Variants in TACC2 observed in about 807,000 individuals in gnomAD.
TACC2 encodes transforming acidic coiled-coil containing protein 2, also known as transforming acidic coiled-coil-containing protein 2.
A neutral mutation model predicts 227.3 loss-of-function variants in TACC2; 137 were observed. The observed-to-expected ratio is 0.60, with a 90% CI of 0.52 to 0.69. TACC2 has a LOEUF of 0.69. TACC2 is among the 30% of genes least tolerant of loss of function. TACC2 has a pLI of 0.00. For missense variants in TACC2, 3,470 were observed against 3,694.4 expected (o/e 0.94, Z 1.57); for synonymous variants, 1,523 against 1,487.5 (o/e 1.02, Z -0.55).
intron 5 of TACC2, among the ~76,000 whole-genome samples, chr10:122,117,276 C>T (rs987933739): frequency 2.0e-5 from 3 of 150,118 alleles, no homozygotes; most frequent in Non-Finnish European, 4.4e-5. Flanking sequence ...CCCACTGCAA[C>T]CTCTGCCTCC....
At chr10:122,098,001 C>T (rs2081655310) in intron 5 of TACC2, among the ~76,000 whole-genome samples, 1 of 152,088 alleles carries the variant, frequency 6.6e-6, no homozygotes, top group African/African-American at 2.4e-5. Context: ...TGGGTACACG[C>T]TCCTCTGCTA....
intron 5 of TACC2, among the ~76,000 whole-genome samples, chr10:122,117,290 G>T (rs2084881073): frequency 1.3e-5 from 2 of 151,600 alleles, no homozygotes; most frequent in Non-Finnish European, 2.9e-5. Context: ...TGCCTCCTGG[G>T]TTCAAGTGAT....
At chr10:122,093,980 G>A (rs1407623580) in intron 5 of TACC2, among the ~76,000 whole-genome samples, 1 of 152,136 alleles carries the variant, frequency 6.6e-6, no homozygotes, top group Non-Finnish European at 1.5e-5. Context: ...GCCCTTCCAC[G>A]TCTCTGAGCC....
At chr10:122,179,194 T>C (rs2093869236) in intron 7 of TACC2, among the ~76,000 whole-genome samples, 1 of 152,226 alleles carries the variant, frequency 6.6e-6, no homozygotes, top group African/African-American at 2.4e-5. Context: ...AGGTCAGGTC[T>C]GAGCATCTAT....
chr10:122,007,972 C>A (rs1273608762), intron 1 of TACC2, among the ~76,000 whole-genome samples: 1 of 152,146 alleles, frequency 6.6e-6, no homozygotes, highest in Non-Finnish European at 1.5e-5. Flanking sequence ...CCTCTGACCA[C>A]CTCAGGACTC....
intron 2 of TACC2, among the ~76,000 whole-genome samples, chr10:122,045,015 A>G (rs1030296391): frequency 6.6e-6 from 1 of 152,184 alleles, no homozygotes; most frequent in Non-Finnish European, 1.5e-5. Flanking sequence ...AGTAAGCAAT[A>G]GAGCTTAAGA....
chr10:122,097,592 A>C (rs2081598584), intron 5 of TACC2, among the ~76,000 whole-genome samples: 1 of 150,820 alleles, frequency 6.6e-6, no homozygotes, highest in East Asian at 1.9e-4. Flanking sequence ...AGGGAGGAGA[A>C]ATGAGGCTGA....
chr10:122,197,862 C>A (rs1263870941), intron 8 of TACC2, among the ~76,000 whole-genome samples: 1 of 152,212 alleles, frequency 6.6e-6, no homozygotes, highest in African/African-American at 2.4e-5. Flanking sequence ...GTCCCCTCGT[C>A]CATTCTGTAG....
At chr10:122,252,421 C>CT (rs2096269707) in intron 22 of TACC2, among the ~76,000 whole-genome samples, 2 of 151,820 alleles carry the variant, frequency 1.3e-5, no homozygotes, top group Non-Finnish European at 2.9e-5. Flanking sequence ...ACGGTGGGCA[C>CT]TCCAATAAGA....
chr10:122,041,441 C>CTTTTTTTTTT (rs537169387), intron 2 of TACC2, among the ~76,000 whole-genome samples: 4 of 140,190 alleles, frequency 2.9e-5, no homozygotes, highest in African/African-American at 5.3e-5. Flanking sequence ...AGTTTCCTTT[C>CTTTTTTTTTT]TTTTTTTTTT....
intron 8 of TACC2, among the ~76,000 whole-genome samples, chr10:122,197,613 C>A (rs749242757): frequency 6.6e-6 from 1 of 152,238 alleles, no homozygotes; most frequent in Non-Finnish European, 1.5e-5. Flanking sequence ...GGGATGGAAA[C>A]GTTAATTGCT....
intron 12 of TACC2, among the ~76,000 whole-genome samples, chr10:122,225,614 C>T (rs749838255): frequency 4.7e-4 from 71 of 152,262 alleles, no homozygotes; most frequent in African/African-American, 1.7e-3. Context: ...ATACTGAGGG[C>T]GAGACATTTT....
Position 122,210,678 on chromosome 10 carries a change from C to T in TACC2, c.6253C>T (p.Arg2085Trp), listed in dbSNP as rs747813403. ...CCCCATCTCTAAGTCTACACTGTCCCGGTCGCTCAGCCTGCAAGCCAGTGA... is the reference window on the plus strand; with the variant it reads ...CCCCATCTCTAAGTCTACACTGTCCTGGTCGCTCAGCCTGCAAGCCAGTGA... ...SVPISKSTLS[R>W]SLSLQASDFD... Residue 2085 changes from arginine to tryptophan, a missense_variant, in exon 9 of 23, where the codon CGG becomes TGG. This residue lies in a region of TACC2 where 593 missense variants were observed against 636.6 expected (regional missense o/e 0.93). Coordinates refer to ENST00000369005, the MANE Select transcript of TACC2 (RefSeq NM_206862.4). This position sits in a 1 kb window ranked among gnomAD's most constrained non-coding sequence, Gnocchi z 4.6. 12 of 1,613,958 alleles carry T rather than the reference C, an allele frequency of 7.4e-6. No individual in the cohort carries two copies. Among genetic ancestry groups the T allele is most frequent in the Admixed American group, 6.7e-5 (4 of 59,998 alleles).
chr10:122,131,171 CTTTCTCAAAAAAAAAAAAAAAAAAAA>C (rs2088008945), intron 5 of TACC2, among the ~76,000 whole-genome samples: 1 of 93,108 alleles, frequency 1.1e-5, no homozygotes, highest in African/African-American at 4.4e-5. Context: ...GAGGGAGACG[CTTTCTCAAAAAAAAAAAAAAAAAAAA>C]AAAATCTGAC....
intron 1 of TACC2, among the ~76,000 whole-genome samples, chr10:121,995,686 T>C (rs557975663): frequency 6.6e-6 from 1 of 152,256 alleles, no homozygotes; most frequent in Non-Finnish European, 1.5e-5. Flanking sequence ...CTTTCACTCA[T>C]GGTGGAAGGC....
intron 3 of TACC2, among the ~76,000 whole-genome samples, chr10:122,059,334 C>A (rs2076548143): frequency 6.6e-6 from 1 of 151,744 alleles, no homozygotes; most frequent in African/African-American, 2.4e-5. Context: ...GTTAAAGTAC[C>A]CGTTTCCTGA....
At chr10:122,193,606 G>A (rs1471689887) in intron 7 of TACC2, among the ~76,000 whole-genome samples, 1 of 152,128 alleles carries the variant, frequency 6.6e-6, no homozygotes, top group African/African-American at 2.4e-5. Flanking sequence ...TTGCTTGCTG[G>A]GATCATTCGT....
chr10:122,216,868 C>T lies in TACC2; in HGVS notation c.7546+40C>T, dbSNP rs201276357. ...AGCCAGCTGGACCCCCACTCTGCCTCGGAGAATCCTGCCCCTAGGGAGCCA... is the reference window on the plus strand; with the variant it reads ...AGCCAGCTGGACCCCCACTCTGCCTTGGAGAATCCTGCCCCTAGGGAGCCA... On this transcript the variant is annotated intron_variant, in intron 11 of 22. Transcript: ENST00000369005. 1,144 of 1,614,092 alleles carry T rather than the reference C, an allele frequency of 7.1e-4. 2 individuals are homozygous for T. Among genetic ancestry groups the T allele is most frequent in the South Asian group, 2.1e-3 (188 of 91,050 alleles).
rs979943300 is a variant in TACC2 at position 122,205,876 on chromosome 10, G to T, written c.5972-4521G>T. On this transcript the variant is annotated intron_variant, in intron 8 of 22. Coordinates refer to ENST00000369005, the MANE Select transcript of TACC2 (RefSeq NM_206862.4). The surrounding 1 kb of genome is among the most constrained non-coding windows in gnomAD (Gnocchi z 4.5). ...AAGACCAAGTACTGCTTTGTATCTC[G>T]TTAGCCTACTTAAAATGGACACCTT... 1.6e-4 allele frequency among the ~76,000 whole-genome samples: 24 copies of T among 152,238 alleles called. No homozygotes were observed. Among genetic ancestry groups the T allele is most frequent in the Non-Finnish European group, 2.5e-4 (17 of 68,046 alleles).
Sources: allele counts gnomAD v4.1 joint callset (sites outside exome capture counted in the v4.1 genomes callset), GRCh38; gene constraint gnomAD v4.1.1; regional missense constraint gnomAD v4.1.1; non-coding constraint Gnocchi (gnomAD v3.1); transcripts MANE v1.5; gene names NCBI Gene and HGNC (gene_info 2026-07-23, HGNC 2026-07-21).